The following PCDHA6 variants were observed in gnomAD, a reference collection of about 807,000 sequenced individuals.
PCDHA6 encodes the protein protocadherin alpha-6.
PCDHA6 carries 55 observed loss-of-function variants against 60.3 expected under a neutral mutation model. The observed-to-expected ratio is 0.91, with a 90% CI of 0.73 to 1.14. The LOEUF is 1.14. PCDHA6 is among the 50% of genes most tolerant of loss of function. The probability of loss-of-function intolerance (pLI) is 0.00; values close to 1 mark genes in which losing one functional copy is unlikely to be tolerated. For missense variants in PCDHA6, 1,327 were observed against 1,256.5 expected (o/e 1.06, Z -0.85); for synonymous variants, 652 against 557.9 (o/e 1.17, Z -2.38).
chr5:140,978,044 G>A (rs1205342779), intron 1 of PCDHA6, among the ~76,000 whole-genome samples: 1 of 152,140 alleles, frequency 6.6e-6, no homozygotes, highest in Non-Finnish European at 1.5e-5. Flanking sequence ...GACAGTGATG[G>A]TGACTGATGA....
intron 1 of PCDHA6, among the ~76,000 whole-genome samples, chr5:140,925,108 G>GGAAGGAAGGAA (rs1554202548): frequency 1.6e-5 from 2 of 124,702 alleles, no homozygotes; most frequent in African/African-American, 3.3e-5. Flanking sequence ...GAAGGAAGGA[G>GGAAGGAAGGAA]GGAAGGAAGG....
intron 1 of PCDHA6, among the ~76,000 whole-genome samples, chr5:140,952,265 G>A (rs1292970434): frequency 6.6e-6 from 1 of 151,556 alleles, no homozygotes; most frequent in African/African-American, 2.4e-5. Context: ...CCCATTCTGG[G>A]GTCTTGAGGG....
At chr5:140,856,242 T>C (rs1202551683) in intron 1 of PCDHA6, 3 of 1,597,874 alleles carry the variant, frequency 1.9e-6, no homozygotes, top group Admixed American at 1.7e-5. Flanking sequence ...CTGTTCCGGG[T>C]GGCGTCCAAA....
chr5:140,869,501 T>A (rs200485559), intron 1 of PCDHA6: 1 of 1,614,192 alleles, frequency 6.2e-7, no homozygotes, highest in Admixed American at 1.7e-5. Flanking sequence ...CCGCCGGTGT[T>A]CTCGCTCAGA....
rs200161334 is a variant in PCDHA6, at chr5:140,967,904, C to T, written c.2395-11045C>T. ...TAGCCCAGTGCCTGAGAATGCTACACCCAACACCATTGTGGCCGTTCTCAG... is the reference window on the plus strand; with the variant it reads ...TAGCCCAGTGCCTGAGAATGCTACATCCAACACCATTGTGGCCGTTCTCAG... On this transcript the variant is annotated intron_variant, in intron 1 of 3. Coordinates refer to ENST00000529310, the MANE Select transcript of PCDHA6 (RefSeq NM_018909.4). The T allele has an allele frequency of 3.3e-5, 53 of 1,614,164 alleles. No individual in the cohort carries two copies. In the East Asian group the frequency reaches 9.1e-4, roughly 28 times the overall value.
intron 1 of PCDHA6, among the ~76,000 whole-genome samples, chr5:140,913,241 T>C (rs1325092057): frequency 6.6e-6 from 1 of 152,226 alleles, no homozygotes; most frequent in African/African-American, 2.4e-5. Context: ...GGGAGACTTT[T>C]TGTTACAACT....
At chr5:140,850,410 G>T (rs369126896) in intron 1 of PCDHA6, 1 of 1,597,934 alleles carries the variant, frequency 6.3e-7, no homozygotes, top group Middle Eastern at 1.7e-4. Flanking sequence ...TGCCCTGGAC[G>T]AAACGGACGC....
chr5:140,870,347 AGAACGTGTGGGCCTAT>A (rs782552389), intron 1 of PCDHA6: 3 of 1,614,176 alleles, frequency 1.9e-6, no homozygotes, highest in Non-Finnish European at 2.5e-6. Flanking sequence ...CTGGACCGCG[AGAACGTGTGGGCCTAT>A]GAACTGGTGG....
Position 140,829,657 on chromosome 5 carries a change from G to C in PCDHA6, c.1566G>C (p.Pro522=). 6.2e-7 allele frequency: 1 copy of C among 1,612,592 alleles called. No individual in the cohort carries two copies. Among genetic ancestry groups the C allele is most frequent in the African/African-American group, 1.3e-5 (1 of 75,014 alleles). ...AESGKVYALQ[P]LDHEELELLQ... ...GCGGCAAGGTGTACGCGCTGCAGCC[G>C]CTGGACCACGAGGAGCTAGAGCTGC... The change falls in exon 1 of 4, where the codon CCG becomes CCC. Residue 522 remains proline (P), a synonymous_variant. Transcript: ENST00000529310.
chr5:140,841,171 G>T, intron 1 of PCDHA6: 2 of 993,678 alleles, frequency 2.0e-6, no homozygotes, highest in Admixed American at 2.8e-5. Context: ...AGTTCTGGTT[G>T]GTCAATGTTC....
chr5:140,940,253 A>G (rs1216858680), intron 1 of PCDHA6, among the ~76,000 whole-genome samples: 1 of 152,124 alleles, frequency 6.6e-6, no homozygotes, highest in Middle Eastern at 3.2e-3. Context: ...CCTCCTCAAT[A>G]TCTTCTGGGT....
Position 141,009,697 on chromosome 5 carries a change from C to T in PCDHA6, c.2613C>T (p.Tyr871=), listed in dbSNP as rs1554262284. ...ACAGCAACAGCTGGACCTTTAAATA[C>T]GGACCAGGCAACCCCAAACAATCCG... ...GVNSNSWTFK[Y]GPGNPKQSGP... The change falls in exon 4 of 4, where the codon TAC becomes TAT. Residue 871 remains tyrosine (Y), a synonymous_variant. Coordinates refer to ENST00000529310, the MANE Select transcript of PCDHA6 (RefSeq NM_018909.4). 1.1e-5 allele frequency: 17 copies of T among 1,613,952 alleles called. No individual in the cohort carries two copies. The highest frequency in any genetic ancestry group is 1.1e-5 in the South Asian group (1 of 91,066).
At chr5:140,914,606 C>A (rs1212372337) in intron 1 of PCDHA6, among the ~76,000 whole-genome samples, 2 of 152,072 alleles carry the variant, frequency 1.3e-5, no homozygotes, top group Admixed American at 6.5e-5. Context: ...CTTCCTCCTG[C>A]CATTTTGTAA....
intron 1 of PCDHA6, among the ~76,000 whole-genome samples, chr5:140,941,247 CTTTCTTTCTCTT>C (rs1165264412): frequency 7.0e-5 from 9 of 128,506 alleles, no homozygotes; most frequent in African/African-American, 1.7e-4. Context: ...TTCTTTCTTT[CTTTCTTTCTCTT>C]TCTTTCTTTC....
At chr5:141,000,899 C>T (rs1013993633) in intron 3 of PCDHA6, among the ~76,000 whole-genome samples, 18 of 151,966 alleles carry the variant, frequency 1.2e-4, no homozygotes, top group African/African-American at 2.7e-4. Flanking sequence ...CAGATATAGA[C>T]GCTGTCTCTA....
chr5:140,855,185 T>C (rs1184210889), intron 1 of PCDHA6, among the ~76,000 whole-genome samples: 3 of 149,814 alleles, frequency 2.0e-5, no homozygotes, highest in African/African-American at 7.3e-5. Flanking sequence ...TGTGGCCAAA[T>C]TGAGGCCTGA....
chr5:140,845,492 G>T lies in PCDHA6; in HGVS notation c.2394+15007G>T, dbSNP rs2150379266. ...ATTTGGGGTTGTGCTTTCACAGTGA[G>T]AAAGTCTAAACCTATTTCTTGTACA... On this transcript the variant is annotated intron_variant, in intron 1 of 3. Coordinates refer to ENST00000529310, the MANE Select transcript of PCDHA6 (RefSeq NM_018909.4). Among the ~76,000 whole-genome samples, 111 of 149,698 alleles carry T rather than the reference G, an allele frequency of 7.4e-4. 5 individuals are homozygous for T. Among genetic ancestry groups the T allele is most frequent in the African/African-American group, 2.6e-3 (108 of 41,006 alleles).
At chr5:140,869,561 C>G in intron 1 of PCDHA6, 1 of 1,614,150 alleles carries the variant, frequency 6.2e-7, no homozygotes, top group Non-Finnish European at 8.5e-7. Flanking sequence ...TCGCGTTTTC[C>G]ACTAGAGGGA....
chr5:140,875,688 G>A (rs1554167865), intron 1 of PCDHA6: 7 of 1,614,004 alleles, frequency 4.3e-6, no homozygotes, highest in Non-Finnish European at 4.2e-6. Context: ...AAAGACACGG[G>A]GACCTTCTGG....
Sources: gnomAD v4.1 joint callset for allele counts (sites outside exome capture counted in the v4.1 genomes callset) on GRCh38, gnomAD v4.1.1 for gene constraint, MANE v1.5 for transcripts, NCBI Gene and HGNC (gene_info 2026-07-23, HGNC 2026-07-21) for gene names.